SLA2: variants seen among roughly 807,000 people sequenced by gnomAD.
The protein encoded by SLA2 is src-like-adapter 2.
In SLA2, 22 loss-of-function variants were observed where a neutral mutation model predicts 27.3. The ratio of observed to expected loss-of-function variants is 0.81; its 90% CI spans 0.58 to 1.15. The LOEUF is 1.15. Among genes scored for constraint, SLA2 ranks in the 50% most tolerant of loss-of-function variants. The pLI is 0.00. For missense variants in SLA2, 304 were observed against 322.2 expected (o/e 0.94, Z 0.43); for synonymous variants, 131 against 137.8 (o/e 0.95, Z 0.34).
At chr20:36,644,190 G>A (rs1978285890) in intron 1 of SLA2, among the ~76,000 whole-genome samples, 1 of 152,086 alleles carries the variant, frequency 6.6e-6, no homozygotes, top group African/African-American at 2.4e-5. Context: ...TTGCTGTGTT[G>A]CCCAGGCTGG....
At position 36,613,201 on chromosome 20, in the gene SLA2, C is replaced by T. The variant is rs2039162660; in HGVS notation, c.*665G>A. The T allele has an allele frequency of 6.6e-6, 1 of 152,310 alleles. No homozygotes were observed. Among genetic ancestry groups the T allele is most frequent in the Non-Finnish European group, 1.5e-5 (1 of 68,140 alleles). 9.4% of individuals were successfully genotyped at this position (152,310 alleles called of 1,614,324 possible). A position where few individuals can be genotyped will look rare whatever the true frequency, so the allele number is the denominator to read the frequency against. ...TGCCATTGCACTCCAGCATGGGCAA[C>T]AGGGCAAGACTCCGTCTCAAAAAAA... On this transcript the variant is annotated 3_prime_UTR_variant, in exon 8 of 8. Transcript: ENST00000262866.
intron 5 of SLA2, chr20:36,621,082 GGTA>G (rs2039277267): frequency 2.7e-6 from 1 of 364,856 alleles, no homozygotes; most frequent in East Asian, 6.5e-5. Flanking sequence ...TGGCAGCAGA[GGTA>G]GTTATGGAGG....
At chr20:36,614,157 G>A (rs578031393) in intron 7 of SLA2, 148 bp downstream of exon 7, 328 of 1,468,694 alleles carry the variant, frequency 2.2e-4, no homozygotes, top group Non-Finnish European at 2.8e-4. Flanking sequence ...AGCCTGGGCC[G>A]TGCTCCAGGA....
At chr20:36,622,465 C>T (rs935691862) in intron 5 of SLA2, among the ~76,000 whole-genome samples, 4 of 145,146 alleles carry the variant, frequency 2.8e-5, no homozygotes, top group Non-Finnish European at 6.0e-5. Context: ...AAGCAGAAAA[C>T]GATGAATAGA....
At position 36,614,299 on chromosome 20, in the gene SLA2, C is replaced by T; in HGVS notation, c.665+6G>A. ...CTTTCATGTTTCCAGGAGTCCCCAA[C>T]TTTACCTGTCCAGCTCTTTCCAGTT... On this transcript the variant is annotated splice_donor_region_variant and intron_variant, in intron 7 of 7. Transcript: ENST00000262866. 6.2e-7 allele frequency: 1 copy of T among 1,614,190 alleles called. No homozygotes were observed. Among genetic ancestry groups the T allele is most frequent in the East Asian group, 2.2e-5 (1 of 44,886 alleles).
At chr20:36,631,154 ATTCACT>A (rs2039389858) in intron 5 of SLA2, among the ~76,000 whole-genome samples, 2 of 151,632 alleles carry the variant, frequency 1.3e-5, no homozygotes, top group Admixed American at 1.3e-4. Context: ...GGCCATTCAC[ATTCACT>A]TTTATTTTTT....
Position 36,613,886 on chromosome 20 carries a change from C to G in SLA2, c.766G>C (p.Val256Leu). The part of the protein sequence containing the change: ...SFYISLNDEA[V>L]SLDDA ...TGGGCCTAGGCATCATCCAAAGAGA[C>G]AGCCTCGTCATTCAGGCTGATGTAG... Residue 256 changes from valine (V) to leucine (L), a missense_variant, in exon 8 of 8, where the codon GTC (valine) becomes CTC (leucine). Physicochemically the swap from Val to Leu is conservative, Grantham distance 32. Transcript: ENST00000262866. The G allele has an allele frequency of 6.2e-7, 1 of 1,613,800 alleles. No homozygotes were observed.
At chr20:36,627,280 A>C (rs2039349004) in intron 5 of SLA2, among the ~76,000 whole-genome samples, 1 of 152,208 alleles carries the variant, frequency 6.6e-6, no homozygotes, top group African/African-American at 2.4e-5. Flanking sequence ...AGGCTTAGGC[A>C]ACATCACCTC....
At chr20:36,636,023 C>A (rs1434299472) in intron 2 of SLA2, among the ~76,000 whole-genome samples, 1 of 152,092 alleles carries the variant, frequency 6.6e-6, no homozygotes, top group East Asian at 1.9e-4. Flanking sequence ...TAGCACCTGT[C>A]CCTGGGGCTC....
Position 36,615,386 on chromosome 20 carries a change from G to C in SLA2, c.383-12C>G. Reference sequence around the variant, plus strand: ...CAGAGAGTAAGAGCCTGAGGAGAAAGGGGTCCAGGGGTGGCACTGAGGCCC... The same window carrying C: ...CAGAGAGTAAGAGCCTGAGGAGAAACGGGTCCAGGGGTGGCACTGAGGCCC... On this transcript the variant is annotated splice_polypyrimidine_tract_variant and intron_variant, in intron 5 of 7. Coordinates refer to ENST00000262866, the MANE Select transcript of SLA2 (RefSeq NM_032214.4). 3 of 1,612,968 alleles carry C rather than the reference G, an allele frequency of 1.9e-6. No homozygotes were observed. Among genetic ancestry groups the C allele is most frequent in the Non-Finnish European group, 2.5e-6 (3 of 1,179,972 alleles).
intron 5 of SLA2, among the ~76,000 whole-genome samples, chr20:36,625,873 C>A (rs1280919202): frequency 6.6e-6 from 1 of 151,714 alleles, no homozygotes; most frequent in Non-Finnish European, 1.5e-5. Context: ...GCCTATAAAC[C>A]CAGCACTTTG....
chr20:36,632,561 A>T (rs80031119), intron 5 of SLA2, 34 bp downstream of exon 5: 2 of 1,541,792 alleles, frequency 1.3e-6, no homozygotes, highest in Admixed American at 1.7e-5. Context: ...ACCTCCACGT[A>T]GGGAGGGCCT....
rs539352016 is a variant in SLA2, at chr20:36,623,314, G to T, written c.383-7940C>A. The stretch of plus-strand genomic sequence containing the variant: ...AATCGACAGCATGCTTAATAGGAAA[G>T]ATTGATTATTTTCCATCTAAGATTG... On this transcript the variant is annotated intron_variant, in intron 5 of 7. Coordinates refer to ENST00000262866, the MANE Select transcript of SLA2 (RefSeq NM_032214.4). 3.5e-5 allele frequency among the ~76,000 whole-genome samples: 5 copies of T among 142,358 alleles called. No individual in the cohort carries two copies. In the East Asian group the frequency reaches 8.1e-4, roughly 23 times the overall value. The allele number at this position is 142,358 out of a possible 152,430, so 93.4% of individuals were successfully genotyped here.
At position 36,645,422 on chromosome 20, in the gene SLA2, T is replaced by C. The variant is rs527473172; in HGVS notation, c.-44+415A>G. ...AGGGAGACCTCTCCCTCTCTTCCAA[T>C]TGAGAAATATCACCCCTTTGAGAGT... On this transcript the variant is annotated intron_variant, in intron 1 of 7. Transcript: ENST00000262866. 7.9e-5 allele frequency among the ~76,000 whole-genome samples: 12 copies of C among 152,066 alleles called. No individual in the cohort carries two copies. In the South Asian group the frequency reaches 1.9e-3, roughly 24 times the overall value.
Position 36,613,761 on chromosome 20 carries a change from A to ACCCCCCCCC in SLA2, c.*104_*105insGGGGGGGGG. On this transcript the variant is annotated 3_prime_UTR_variant, in exon 8 of 8. Transcript: ENST00000262866. ...GACCCTAGATGCACCTCTGTGTCCC[A>ACCCCCCCCC]CCCTCCCTCCCTGAGTGCACAGCCT... The ACCCCCCCCC allele has an allele frequency of 3.0e-6, 1 of 336,596 alleles. No homozygotes were observed. Among genetic ancestry groups the ACCCCCCCCC allele is most frequent in the Non-Finnish European group, 5.9e-6 (1 of 170,178 alleles). 20.9% of individuals were successfully genotyped at this position (336,596 alleles called of 1,614,324 possible).
chr20:36,632,237 C>T (rs2039400172), intron 5 of SLA2, among the ~76,000 whole-genome samples: 1 of 152,174 alleles, frequency 6.6e-6, no homozygotes, highest in Non-Finnish European at 1.5e-5. Flanking sequence ...AGGTGCAGCC[C>T]ACTGGCCCAC....
chr20:36,618,003 C>A (rs1290974895), intron 5 of SLA2, among the ~76,000 whole-genome samples: 1 of 150,468 alleles, frequency 6.6e-6, no homozygotes, highest in Admixed American at 6.6e-5. Flanking sequence ...AAAAATTAGC[C>A]GGGCGTGGTG....
At chr20:36,640,785 G>C (rs1198823765) in intron 2 of SLA2, among the ~76,000 whole-genome samples, 1 of 152,146 alleles carries the variant, frequency 6.6e-6, no homozygotes, top group Non-Finnish European at 1.5e-5. Flanking sequence ...CCAAAGTGCT[G>C]GGATTACAGG....
chr20:36,631,113 A>G (rs1007307783), intron 5 of SLA2, among the ~76,000 whole-genome samples: 2 of 152,178 alleles, frequency 1.3e-5, no homozygotes, highest in East Asian at 3.8e-4. Flanking sequence ...CTAGTTGCCA[A>G]TGTGTTGGCT....
Sources: allele counts gnomAD v4.1 joint callset (sites outside exome capture counted in the v4.1 genomes callset), GRCh38; gene constraint gnomAD v4.1.1; transcripts MANE v1.5; gene names NCBI Gene and HGNC (gene_info 2026-07-23, HGNC 2026-07-21).